The following PACRG variants were observed in gnomAD, a reference collection of about 807,000 sequenced individuals.
The protein encoded by PACRG is parkin coregulated gene protein.
A neutral mutation model predicts 29.7 loss-of-function variants in PACRG; 29 were observed. The observed-to-expected ratio is 0.98, with a 90% CI of 0.73 to 1.33. PACRG has a LOEUF of 1.33. PACRG is among the 40% of genes most tolerant of loss of function. The probability of loss-of-function intolerance (pLI) is 0.00; values close to 1 mark genes in which losing one functional copy is unlikely to be tolerated. For synonymous variants in PACRG, 116 were observed against 118.7 expected (o/e 0.98, Z 0.15); for missense variants, 279 against 316.2 (o/e 0.88, Z 0.89).
chr6:163,047,679 T>C (rs1420652247), intron 2 of PACRG, among the ~76,000 whole-genome samples: 2 of 152,206 alleles, frequency 1.3e-5, no homozygotes, highest in Non-Finnish European at 2.9e-5. Flanking sequence ...CAAATCCAGA[T>C]TTGTTACTCA....
intron 1 of PACRG, among the ~76,000 whole-genome samples, chr6:162,756,523 CTA>C (rs2128285573): frequency 6.6e-6 from 1 of 152,176 alleles, no homozygotes; most frequent in Admixed American, 6.5e-5. Flanking sequence ...CATTTTCAGT[CTA>C]TGTGTGTCAT....
chr6:162,986,203 G>GA (rs1203212207), intron 2 of PACRG, among the ~76,000 whole-genome samples: 2 of 151,822 alleles, frequency 1.3e-5, no homozygotes, highest in South Asian at 2.1e-4. Flanking sequence ...TACAGAACTA[G>GA]AAAAAAATCC....
At chr6:162,961,439 A>G (rs1800609301) in intron 2 of PACRG, among the ~76,000 whole-genome samples, 1 of 151,946 alleles carries the variant, frequency 6.6e-6, no homozygotes, top group South Asian at 2.1e-4. Context: ...TCTATCTATA[A>G]CTCCAACCTT....
intron 2 of PACRG, among the ~76,000 whole-genome samples, chr6:162,967,563 G>A (rs7752967): frequency 6.6e-6 from 1 of 150,866 alleles, no homozygotes; most frequent in Non-Finnish European, 1.5e-5. Context: ...CTGGAGTGCA[G>A]TGTTGCGATC....
rs899334180 is a variant in PACRG at position 162,931,560 on chromosome 6, T to C, written c.291+117279T>C. On this transcript the variant is annotated intron_variant, in intron 2 of 4. Coordinates refer to ENST00000366888, the MANE Select transcript of PACRG (RefSeq NM_001080379.2). ...TGATATGCAGTTGTTTCAGCACCAT[T>C]TGTTGAAAAGATTATCCTTCTTCCA... is the stretch of plus-strand genomic sequence containing the variant. Among the ~76,000 whole-genome samples, 3 of 151,960 alleles carry C rather than the reference T, an allele frequency of 2.0e-5. No individual in the cohort carries two copies. In the East Asian group the frequency reaches 5.8e-4, roughly 29 times the overall value.
At chr6:163,089,517 T>C in intron 4 of PACRG, 109 bp downstream of exon 4, 1 of 1,325,838 alleles carries the variant, frequency 7.5e-7, no homozygotes, top group Non-Finnish European at 1.0e-6. Flanking sequence ...ATATAAACCA[T>C]GATCCATTTG....
intron 1 of PACRG, among the ~76,000 whole-genome samples, chr6:162,737,630 A>G (rs1173921498): frequency 6.6e-6 from 1 of 152,136 alleles, no homozygotes; most frequent in African/African-American, 2.4e-5. Context: ...ACTTGGTAAT[A>G]TGTTTTAGAA....
chr6:162,784,339 G>A (rs1197018077), intron 1 of PACRG, among the ~76,000 whole-genome samples: 1 of 152,072 alleles, frequency 6.6e-6, no homozygotes, highest in Non-Finnish European at 1.5e-5. Context: ...CCCAGCCCAT[G>A]GTCATCTTAT....
intron 4 of PACRG, among the ~76,000 whole-genome samples, chr6:163,158,402 T>C (rs1585277170): frequency 6.6e-6 from 1 of 152,296 alleles, no homozygotes; most frequent in East Asian, 1.9e-4. Flanking sequence ...ACTTGCATCT[T>C]AGGATAGGGA....
rs1294949391 is a variant in PACRG at position 162,955,341 on chromosome 6, CCAAGCTGGAGTGCAGTGGTGTG to C, written c.292-106808_292-106787del. On this transcript the variant is annotated intron_variant, in intron 2 of 4. Coordinates refer to ENST00000366888, the MANE Select transcript of PACRG (RefSeq NM_001080379.2). ...TTGAGACGGAGTCTCTCTCTGTTGC[CCAAGCTGGAGTGCAGTGGTGTG>C]GTCTTGGCTCACTGCAAGCTCTGCC... is the stretch of plus-strand genomic sequence containing the variant. 5.3e-5 allele frequency among the ~76,000 whole-genome samples: 8 copies of C among 152,112 alleles called. No individual in the cohort carries two copies. The East Asian group carries it at 1.5e-3, about 29-fold the overall frequency.
At chr6:163,140,571 G>T (rs1055509587) in intron 4 of PACRG, among the ~76,000 whole-genome samples, 9 of 152,222 alleles carry the variant, frequency 5.9e-5, no homozygotes, top group Non-Finnish European at 2.9e-5. Context: ...CAACAATTGA[G>T]AAGGAGTGAA....
rs568480049 is a variant in PACRG, at chr6:162,921,123, C to T, written c.291+106842C>T. On this transcript the variant is annotated intron_variant, in intron 2 of 4. Coordinates refer to ENST00000366888, the MANE Select transcript of PACRG (RefSeq NM_001080379.2). ...GTTAATGTGTTTTTACATAAACAAA[C>T]TCTTGTTACAAAATATTGCTTGAGA... Among the ~76,000 whole-genome samples, 8 of 152,286 alleles carry T rather than the reference C, an allele frequency of 5.3e-5. No individual in the cohort carries two copies. The South Asian group carries it at 1.7e-3, about 32-fold the overall frequency.
At chr6:163,050,437 A>G (rs776249876) in intron 2 of PACRG, among the ~76,000 whole-genome samples, 1 of 152,034 alleles carries the variant, frequency 6.6e-6, no homozygotes, top group African/African-American at 2.4e-5. Flanking sequence ...CGCCATATTG[A>G]TGATTTAAAA....
At chr6:162,892,389 A>G (rs554668146) in intron 2 of PACRG, among the ~76,000 whole-genome samples, 3 of 152,308 alleles carry the variant, frequency 2.0e-5, no homozygotes, top group African/African-American at 7.2e-5. Context: ...TGTTCCAGAA[A>G]GGGACCATCT....
intron 4 of PACRG, among the ~76,000 whole-genome samples, chr6:163,234,269 C>T (rs1172223739): frequency 2.0e-5 from 3 of 151,786 alleles, no homozygotes; most frequent in Admixed American, 6.6e-5. Flanking sequence ...GGGTGCAGAT[C>T]CCTCAGGAAT....
At chr6:163,221,876 G>T (rs891886315) in intron 4 of PACRG, among the ~76,000 whole-genome samples, 3 of 152,164 alleles carry the variant, frequency 2.0e-5, no homozygotes, top group African/African-American at 7.2e-5. Context: ...TGGGTCGTGG[G>T]ACCTTGCACA....
intron 4 of PACRG, among the ~76,000 whole-genome samples, chr6:163,289,371 A>T (rs1018502973): frequency 6.6e-6 from 1 of 152,176 alleles, no homozygotes; most frequent in African/African-American, 2.4e-5. Flanking sequence ...CAATTCACTT[A>T]GGGACATTAT....
chr6:163,219,678 G>A (rs187527694), intron 4 of PACRG, among the ~76,000 whole-genome samples: 1 of 140,068 alleles, frequency 7.1e-6, no homozygotes, highest in East Asian at 2.0e-4. Context: ...TCCTCCTGCA[G>A]CTCAGCCTGA....
At chr6:163,217,475 A>AT (rs1274092515) in intron 4 of PACRG, among the ~76,000 whole-genome samples, 1 of 152,154 alleles carries the variant, frequency 6.6e-6, no homozygotes, top group Non-Finnish European at 1.5e-5. Context: ...TTTGATCATG[A>AT]TTCTCAAATA....
Sources: gnomAD v4.1 joint callset for allele counts (sites outside exome capture counted in the v4.1 genomes callset) on GRCh38, gnomAD v4.1.1 for gene constraint, MANE v1.5 for transcripts, NCBI Gene and HGNC (gene_info 2026-07-23, HGNC 2026-07-21) for gene names.